Variants in ARHGAP10 observed in about 807,000 individuals in gnomAD.
ARHGAP10 encodes the protein rho GTPase-activating protein 10.
Under a neutral mutation model 108.6 loss-of-function variants are expected in ARHGAP10, and 87 were observed. The observed-to-expected ratio is 0.80, with a 90% CI of 0.67 to 0.96. ARHGAP10 has a LOEUF of 0.96. Among genes scored for constraint, ARHGAP10 ranks in the 40% least tolerant of loss-of-function variants. The probability of loss-of-function intolerance (pLI) is 0.00; values close to 1 mark genes in which losing one functional copy is unlikely to be tolerated. For missense variants in ARHGAP10, 939 were observed against 954.5 expected (o/e 0.98, Z 0.21); for synonymous variants, 347 against 341.1 (o/e 1.02, Z -0.19).
intron 1 of ARHGAP10, among the ~76,000 whole-genome samples, chr4:147,779,560 G>T (rs1428490772): frequency 6.6e-6 from 1 of 152,146 alleles, no homozygotes; most frequent in African/African-American, 2.4e-5. Flanking sequence ...TGGAAGGCTG[G>T]ATGTTCAGTG....
intron 1 of ARHGAP10, among the ~76,000 whole-genome samples, chr4:147,780,379 G>T (rs1386618032): frequency 6.6e-6 from 1 of 152,082 alleles, no homozygotes; most frequent in Non-Finnish European, 1.5e-5. Context: ...TCACATTACT[G>T]GGAGTGACAG....
In ARHGAP10 at chr4:147,917,674, T is replaced by G. The variant is rs75669915; in HGVS notation, c.1228+4535T>G. Among the ~76,000 whole-genome samples the G allele has an allele frequency of 2.4e-3, 370 of 152,350 alleles. 2 individuals are homozygous for G. The highest frequency in any genetic ancestry group is 0.01 in the Middle Eastern group (3 of 294). ...AAATATTATCTTATTCTAGATTAGGTTGTATATTTTATAGATGTTGATAGA... is the reference window on the plus strand; with the variant it reads ...AAATATTATCTTATTCTAGATTAGGGTGTATATTTTATAGATGTTGATAGA... On this transcript the variant is annotated intron_variant, in intron 13 of 22. Transcript: ENST00000336498.
At chr4:147,765,335 TGTG>T (rs1223809764) in intron 1 of ARHGAP10, among the ~76,000 whole-genome samples, 1 of 22,686 alleles carries the variant, frequency 4.4e-5, no homozygotes, top group Non-Finnish European at 1.4e-4. Context: ...TGTGTGTGTG[TGTG>T]GGGGGGGGGG....
intron 13 of ARHGAP10, among the ~76,000 whole-genome samples, chr4:147,928,979 T>G (rs1285121790): frequency 6.6e-6 from 1 of 152,228 alleles, no homozygotes; most frequent in African/African-American, 2.4e-5. Flanking sequence ...AATAACTTGC[T>G]AGGTCACATA....
chr4:147,830,599 A>G (rs1732918428), intron 3 of ARHGAP10, among the ~76,000 whole-genome samples: 2 of 143,912 alleles, frequency 1.4e-5, no homozygotes, highest in Non-Finnish European at 3.0e-5. Context: ...GGCTCACTGC[A>G]ACCTCTGCCT....
At chr4:147,785,961 A>C (rs1730875045) in intron 1 of ARHGAP10, among the ~76,000 whole-genome samples, 1 of 152,056 alleles carries the variant, frequency 6.6e-6, no homozygotes, top group Non-Finnish European at 1.5e-5. Context: ...GAGTGTATTA[A>C]CTCCTTTTAC....
intron 18 of ARHGAP10, among the ~76,000 whole-genome samples, chr4:147,970,663 G>A (rs1412367913): frequency 2.6e-5 from 4 of 152,134 alleles, no homozygotes; most frequent in Non-Finnish European, 5.9e-5. Flanking sequence ...GATGAATTTC[G>A]GAGTTAGAAA....
intron 1 of ARHGAP10, among the ~76,000 whole-genome samples, chr4:147,745,790 C>CT (rs70958581): frequency 0.71 from 93,911 of 132,942 alleles, 37,597 homozygotes; most frequent in Non-Finnish European, 0.88. Flanking sequence ...TGTGCCCGGC[C>CT]TTTTTTTTTT....
intron 5 of ARHGAP10, among the ~76,000 whole-genome samples, chr4:147,859,837 T>A (rs539338664): frequency 2.0e-5 from 3 of 152,344 alleles, no homozygotes; most frequent in Non-Finnish European, 4.4e-5. Flanking sequence ...CATGAAGAGA[T>A]CCTAACGATG....
At chr4:147,929,571 A>G (rs182156887) in intron 13 of ARHGAP10, among the ~76,000 whole-genome samples, 6 of 152,302 alleles carry the variant, frequency 3.9e-5, no homozygotes, top group Admixed American at 3.9e-4. Flanking sequence ...GACTAGTTAT[A>G]AATATATGTA....
intron 1 of ARHGAP10, among the ~76,000 whole-genome samples, chr4:147,773,263 G>A (rs1730146806): frequency 1.3e-5 from 2 of 152,106 alleles, no homozygotes; most frequent in African/African-American, 2.4e-5. Flanking sequence ...ATATTATCAT[G>A]TCTTCTTTTA....
intron 20 of ARHGAP10, among the ~76,000 whole-genome samples, chr4:148,051,471 C>G (rs889665707): frequency 6.6e-6 from 1 of 152,156 alleles, no homozygotes; most frequent in South Asian, 2.1e-4. Context: ...TAAGAAATAT[C>G]GGGCATTGCT....
intron 13 of ARHGAP10, among the ~76,000 whole-genome samples, chr4:147,930,377 CA>C (rs1737630361): frequency 6.6e-6 from 1 of 152,002 alleles, no homozygotes; most frequent in South Asian, 2.1e-4. Context: ...ATTTATTTTT[CA>C]ATTCATTTGT....
At chr4:148,058,918 A>G (rs1287990109) in intron 20 of ARHGAP10, among the ~76,000 whole-genome samples, 2 of 152,166 alleles carry the variant, frequency 1.3e-5, no homozygotes, top group African/African-American at 4.8e-5. Flanking sequence ...ACAAATGCAT[A>G]TTCTTTCCCT....
At position 147,978,169 on chromosome 4, in the gene ARHGAP10, AT is replaced by A. The variant is rs1209919739; in HGVS notation, c.1716+11338del. ...TTTGGGTGGAATGATTTATTCATTTATTTTTTTTGGATATATACCCAGTAAG... is the reference window on the plus strand; with the variant it reads ...TTTGGGTGGAATGATTTATTCATTTATTTTTTTGGATATATACCCAGTAAG... On this transcript the variant is annotated intron_variant, in intron 18 of 22. Transcript: ENST00000336498. Among the ~76,000 whole-genome samples, 3 of 151,912 alleles carry A rather than the reference AT, an allele frequency of 2.0e-5. No homozygotes were observed. In the East Asian group the frequency reaches 5.8e-4, roughly 29 times the overall value.
chr4:148,001,713 T>C (rs1740726328), intron 18 of ARHGAP10, among the ~76,000 whole-genome samples: 1 of 151,980 alleles, frequency 6.6e-6, no homozygotes, highest in African/African-American at 2.4e-5. Context: ...GGCTCTCTGT[T>C]TGTCTGTTAT....
intron 18 of ARHGAP10, among the ~76,000 whole-genome samples, chr4:148,014,145 AT>A (rs751026878): frequency 3.3e-5 from 5 of 152,362 alleles, no homozygotes; most frequent in East Asian, 1.9e-4. Context: ...CATAGAGTAT[AT>A]TTTATTAATG....
At chr4:147,815,472 C>T (rs889444694) in intron 1 of ARHGAP10, among the ~76,000 whole-genome samples, 30 of 150,688 alleles carry the variant, frequency 2.0e-4, no homozygotes, top group Admixed American at 1.2e-3. Context: ...TGGCCGGAGG[C>T]GGGGGGCGGG....
At chr4:147,858,677 G>T (rs1054924923) in intron 5 of ARHGAP10, among the ~76,000 whole-genome samples, 7 of 152,052 alleles carry the variant, frequency 4.6e-5, no homozygotes, top group Admixed American at 4.6e-4. Context: ...GCATATTATT[G>T]TGTGCTCCCT....
Sources: allele counts gnomAD v4.1 joint callset (sites outside exome capture counted in the v4.1 genomes callset), GRCh38; gene constraint gnomAD v4.1.1; transcripts MANE v1.5; gene names NCBI Gene and HGNC (gene_info 2026-07-23, HGNC 2026-07-21).